FGF14: variants seen among roughly 807,000 people sequenced by gnomAD.
FGF14 encodes the protein fibroblast growth factor homologous factor 4.
In FGF14, 5 loss-of-function variants were observed where a neutral mutation model predicts 25.5. The observed-to-expected ratio is 0.20, with a 90% confidence interval of 0.10 to 0.41. FGF14 has a LOEUF of 0.41. FGF14 is among the 10% of genes least tolerant of loss of function. The pLI, the probability that FGF14 is intolerant of heterozygous loss-of-function variation, is 1.00. For synonymous variants in FGF14, 138 were observed against 118.3 expected (o/e 1.17, Z -1.08); for missense variants, 222 against 320.1 (o/e 0.69, Z 2.34).
At chr13:102,198,699 G>A (rs1349483706) in intron 1 of FGF14, among the ~76,000 whole-genome samples, 1 of 152,152 alleles carries the variant, frequency 6.6e-6, no homozygotes. Context: ...ACTTGGAATT[G>A]ACTGTCATTT....
intron 1 of FGF14, among the ~76,000 whole-genome samples, chr13:102,120,202 G>A (rs1310833617): frequency 1.3e-5 from 2 of 152,130 alleles, no homozygotes; most frequent in African/African-American, 4.8e-5. Flanking sequence ...AACTGCAAAG[G>A]CAGACAAATG....
chr13:101,972,914 A>C (rs987259768), intron 1 of FGF14, among the ~76,000 whole-genome samples: 7 of 152,144 alleles, frequency 4.6e-5, no homozygotes, highest in African/African-American at 1.7e-4. Flanking sequence ...AATGAGAAAG[A>C]GCTGATTTTA....
Position 102,048,136 on chromosome 13 carries a change from G to A in FGF14, c.209-172840C>T, listed in dbSNP as rs1472614074. Among the ~76,000 whole-genome samples the A allele has an allele frequency of 2.6e-5, 4 of 152,074 alleles. No individual in the cohort carries two copies. In the South Asian group the frequency reaches 8.3e-4, roughly 31 times the overall value. Reference sequence around the variant, plus strand: ...ACTTGCTCCAAGTTTCTATGACTGGGTTTCTTTTGGCTGAATGGCCCAGTT... The same window carrying A: ...ACTTGCTCCAAGTTTCTATGACTGGATTTCTTTTGGCTGAATGGCCCAGTT... On this transcript the variant is annotated intron_variant, in intron 1 of 4. Transcript: ENST00000376131.
chr13:102,197,145 A>G (rs2049396558), intron 1 of FGF14, among the ~76,000 whole-genome samples: 1 of 152,226 alleles, frequency 6.6e-6, no homozygotes, highest in Non-Finnish European at 1.5e-5. Flanking sequence ...TGATGAATGT[A>G]CAAATCAACC....
In FGF14 at chr13:102,172,330, T is replaced by C. The variant is rs528958846; in HGVS notation, c.208+229141A>G. Among the ~76,000 whole-genome samples, 23 of 152,136 alleles carry C rather than the reference T, an allele frequency of 1.5e-4. No individual in the cohort carries two copies. In the South Asian group the frequency reaches 4.8e-3, roughly 32 times the overall value. ...TTCGACAATTTTATTAGCATGCCAA[T>C]GATGACAAACCCTTAGAAAGTTGTG... On this transcript the variant is annotated intron_variant, in intron 1 of 4. Transcript: ENST00000376131.
chr13:102,076,758 T>C (rs2043381301), intron 1 of FGF14, among the ~76,000 whole-genome samples: 1 of 152,002 alleles, frequency 6.6e-6, no homozygotes, highest in Non-Finnish European at 1.5e-5. Flanking sequence ...TTCACAGAAA[T>C]ATCCAAAAAA....
At chr13:101,744,050 C>T (rs1020337953) in intron 3 of FGF14, among the ~76,000 whole-genome samples, 2 of 152,150 alleles carry the variant, frequency 1.3e-5, no homozygotes, top group African/African-American at 4.8e-5. Context: ...TGAGCAACCC[C>T]TCACCATGTT....
intron 3 of FGF14, among the ~76,000 whole-genome samples, chr13:101,791,195 C>T (rs919368935): frequency 2.0e-5 from 3 of 152,124 alleles, no homozygotes; most frequent in Admixed American, 6.6e-5. Flanking sequence ...GTATACTCTG[C>T]GGATGGCACT....
At chr13:102,376,438 T>G (rs1294028055) in intron 1 of FGF14, among the ~76,000 whole-genome samples, 5 of 152,182 alleles carry the variant, frequency 3.3e-5, no homozygotes, top group African/African-American at 1.2e-4. Flanking sequence ...AATACAACCC[T>G]GTTCTGTGCT....
intron 3 of FGF14, among the ~76,000 whole-genome samples, chr13:101,847,360 G>T (rs1438050219): frequency 6.6e-6 from 1 of 151,988 alleles, no homozygotes; most frequent in Non-Finnish European, 1.5e-5. Flanking sequence ...TGTCAACTCT[G>T]TCTGCCTCTC....
intron 1 of FGF14, among the ~76,000 whole-genome samples, chr13:101,988,384 C>A (rs1353774028): frequency 6.6e-6 from 1 of 151,846 alleles, no homozygotes; most frequent in East Asian, 1.9e-4. Flanking sequence ...CACTATGTTC[C>A]GATCTATTCA....
At chr13:102,221,875 C>A (rs534227372) in intron 1 of FGF14, among the ~76,000 whole-genome samples, 2 of 152,230 alleles carry the variant, frequency 1.3e-5, no homozygotes, top group East Asian at 3.9e-4. Flanking sequence ...ATTTCCAATA[C>A]TAACTAAAAC....
chr13:101,910,242 A>T (rs1381911213), intron 1 of FGF14, among the ~76,000 whole-genome samples: 4 of 151,996 alleles, frequency 2.6e-5, no homozygotes, highest in African/African-American at 9.7e-5. Context: ...ATAAAGTATA[A>T]AAAAATAAAT....
At chr13:101,839,683 G>GT in intron 3 of FGF14, among the ~76,000 whole-genome samples, 1 of 152,030 alleles carries the variant, frequency 6.6e-6, no homozygotes, top group East Asian at 1.9e-4. Flanking sequence ...TGTCTATGGT[G>GT]TTTTCCCAAC....
At chr13:101,734,884 A>G (rs188807473) in intron 3 of FGF14, among the ~76,000 whole-genome samples, 6 of 152,340 alleles carry the variant, frequency 3.9e-5, no homozygotes, top group Non-Finnish European at 8.8e-5. Context: ...ATATTGTTCA[A>G]TTGAAAGAAT....
rs1230309094 is a variant in FGF14, at chr13:101,719,104, T to G, written c.*3727A>C. ...CTGGATGTTAGTCAATGTGGTCTCT[T>G]TTTGAATATGTATCAAATATTAATG... On this transcript the variant is annotated 3_prime_UTR_variant, in exon 5 of 5. Coordinates refer to ENST00000376143, the MANE Select transcript of FGF14 (RefSeq NM_004115.4). The G allele has an allele frequency of 6.6e-6, 1 of 152,176 alleles. No homozygotes were observed. Among genetic ancestry groups the G allele is most frequent in the Non-Finnish European group, 1.5e-5 (1 of 68,018 alleles). The allele number at this position is 152,176 out of a possible 1,614,324, so 9.4% of individuals were successfully genotyped here.
chr13:102,236,028 C>A (rs544371615), intron 1 of FGF14, among the ~76,000 whole-genome samples: 6 of 152,296 alleles, frequency 3.9e-5, no homozygotes, highest in South Asian at 4.1e-4. Context: ...AATAGTTACA[C>A]AAAGCTTGGC....
chr13:102,011,561 G>A (rs1279104511), intron 1 of FGF14, among the ~76,000 whole-genome samples: 1 of 147,288 alleles, frequency 6.8e-6, no homozygotes, highest in Non-Finnish European at 1.5e-5. Context: ...ATCGCCTTTT[G>A]GAAGATGCTT....
In FGF14 at chr13:102,398,050, G is replaced by GTGTT. The variant is rs376957361; in HGVS notation, c.208+3420_208+3421insAACA. Among the ~76,000 whole-genome samples the GTGTT allele has an allele frequency of 2.7e-5, 4 of 146,514 alleles. No individual in the cohort carries two copies. In the East Asian group the frequency reaches 8.0e-4, roughly 29 times the overall value. On this transcript the variant is annotated intron_variant, in intron 1 of 4. Coordinates refer to the FGF14 transcript ENST00000376131. ...TGTGTGTGTGTGTGTGTGTGTGTGT[G>GTGTT]TTCTCTGATAATAGTTGTTAGACTG...
Sources: allele counts gnomAD v4.1 joint callset (sites outside exome capture counted in the v4.1 genomes callset), GRCh38; gene constraint gnomAD v4.1.1; transcripts MANE v1.5; gene names NCBI Gene and HGNC (gene_info 2026-07-23, HGNC 2026-07-21).